Variants in DEFB110 observed in about 807,000 individuals in gnomAD.
The protein encoded by DEFB110 is beta-defensin 110.
DEFB110 carries 4 observed loss-of-function variants against 2.5 expected under a neutral mutation model. The ratio of observed to expected loss-of-function variants is 1.60; its 90% CI spans 0.79 to 3.66. The LOEUF (loss-of-function observed/expected upper bound fraction) is 3.66, where lower values mean the gene tolerates loss of function less well. Ranked by LOEUF, DEFB110 falls within the 30% of genes most tolerant of loss-of-function variation. The probability of loss-of-function intolerance (pLI) is 0.01; values close to 1 mark genes in which losing one functional copy is unlikely to be tolerated. For missense variants in DEFB110, 94 were observed against 75.4 expected (o/e 1.25, Z -0.91); for synonymous variants, 29 against 21.8 (o/e 1.33, Z -0.92).
chr6:50,011,138 T>C (rs1038346378), intron 1 of DEFB110, among the ~76,000 whole-genome samples: 23 of 151,544 alleles, frequency 1.5e-4, no homozygotes, highest in Non-Finnish European at 2.9e-4. Context: ...CCCTTTGTAT[T>C]GTTATGAAAA....
intron 1 of DEFB110, among the ~76,000 whole-genome samples, chr6:50,010,181 ATGT>A (rs1389661926): frequency 2.0e-5 from 3 of 152,006 alleles, no homozygotes; most frequent in Non-Finnish European, 2.9e-5. Flanking sequence ...TGAGTATTAA[ATGT>A]TGTTATGTGT....
Position 50,018,848 on chromosome 6 carries a change from G to C in DEFB110, c.*129C>G, listed in dbSNP as rs1774363467. ...GCGTGACATATGATCACTTCTGAAT[G>C]GTTCAACATTAATTTTTATTTAGTT... On this transcript the variant is annotated 3_prime_UTR_variant, in exon 2 of 2. Coordinates refer to ENST00000371148, the MANE Select transcript of DEFB110 (RefSeq NM_001037497.2). 7.0e-7 allele frequency: 1 copy of C among 1,426,280 alleles called. No individual in the cohort carries two copies. Among genetic ancestry groups the C allele is most frequent in the Non-Finnish European group, 9.1e-7 (1 of 1,096,534 alleles). 88.4% of individuals were successfully genotyped at this position (1,426,280 alleles called of 1,614,324 possible). A position where few individuals can be genotyped will look rare whatever the true frequency, so the allele number is the denominator to read the frequency against.
At chr6:50,014,277 G>A (rs910556063), downstream of DEFB110, among the ~76,000 whole-genome samples, 1 of 151,758 alleles carries the variant, frequency 6.6e-6, no homozygotes, top group East Asian at 1.9e-4. Context: ...CAGTTAATTG[G>A]TGTGAGTGAA....
downstream of DEFB110, among the ~76,000 whole-genome samples, chr6:50,016,714 A>G (rs1056270325): frequency 6.6e-6 from 1 of 151,584 alleles, no homozygotes; most frequent in African/African-American, 2.4e-5. Flanking sequence ...CACTTAAAAG[A>G]TTTCCTCAGG....
At chr6:50,010,230 T>A (rs1034429405) in intron 1 of DEFB110, among the ~76,000 whole-genome samples, 1 of 151,988 alleles carries the variant, frequency 6.6e-6, no homozygotes, top group East Asian at 1.9e-4. Flanking sequence ...GGCAAAATAA[T>A]TTTGTTAAAA....
chr6:50,017,724 A>T (rs1054117537), downstream of DEFB110, among the ~76,000 whole-genome samples: 1 of 151,924 alleles, frequency 6.6e-6, no homozygotes, highest in Non-Finnish European at 1.5e-5. Context: ...AAATTTCCCC[A>T]TTCATGGCTT....
intron 1 of DEFB110, among the ~76,000 whole-genome samples, chr6:50,012,533 A>C (rs1774245375): frequency 2.0e-5 from 3 of 151,904 alleles, no homozygotes; most frequent in Admixed American, 2.0e-4. Context: ...CAGTTTCCTT[A>C]AGTGAAAAAT....
rs140674021 is a variant in DEFB110 at position 50,012,133 on chromosome 6, T to C, written c.56-2862A>G. Among the ~76,000 whole-genome samples, 835 of 152,192 alleles carry C rather than the reference T, an allele frequency of 5.5e-3. 10 individuals carry two copies. Among genetic ancestry groups the C allele is most frequent in the African/African-American group, 0.019 (778 of 41,568 alleles). ...ATTTCCTTTGTCTTTATTTGCCTTT[T>C]GGATTTCACACCAAAACCTTATAAA... On this transcript the variant is annotated intron_variant, in intron 1 of 1. Transcript: ENST00000393660.
Position 50,018,870 on chromosome 6 carries a change from A to T in DEFB110, c.*107T>A. 4 of 1,441,504 alleles carry T rather than the reference A, an allele frequency of 2.8e-6. No individual in the cohort carries two copies. Among genetic ancestry groups the T allele is most frequent in the Non-Finnish European group, 3.6e-6 (4 of 1,102,884 alleles). The allele number at this position is 1,441,504 out of a possible 1,614,324, so 89.3% of individuals were successfully genotyped here. On this transcript the variant is annotated 3_prime_UTR_variant, in exon 2 of 2. Coordinates refer to ENST00000371148, the MANE Select transcript of DEFB110 (RefSeq NM_001037497.2). ...AATGGTTCAACATTAATTTTTATTT[A>T]GTTCTTGTGTATTATAGAGACACAC... is the stretch of plus-strand genomic sequence containing the variant.
At chr6:50,017,535 A>G (rs1394766770), downstream of DEFB110, among the ~76,000 whole-genome samples, 1 of 151,914 alleles carries the variant, frequency 6.6e-6, no homozygotes, top group Non-Finnish European at 1.5e-5. Flanking sequence ...TGAAAAACAT[A>G]TAACGAGCAG....
intron 1 of DEFB110, among the ~76,000 whole-genome samples, chr6:50,010,401 G>T (rs1774208163): frequency 6.6e-6 from 1 of 151,636 alleles, no homozygotes; most frequent in Admixed American, 6.6e-5. Flanking sequence ...CCAGGCATTA[G>T]GTTCCGAAGC....
chr6:50,012,537 GA>G (rs1245331868), intron 1 of DEFB110, among the ~76,000 whole-genome samples: 1 of 151,794 alleles, frequency 6.6e-6, no homozygotes, highest in Non-Finnish European at 1.5e-5. Context: ...TTCCTTAAGT[GA>G]AAAATGCATT....
chr6:50,014,580 G>A (rs1582365389), downstream of DEFB110, among the ~76,000 whole-genome samples: 2 of 151,860 alleles, frequency 1.3e-5, no homozygotes, highest in East Asian at 3.9e-4. Context: ...ACAAATGACG[G>A]GAAAAAGATG....
downstream of DEFB110, among the ~76,000 whole-genome samples, chr6:50,016,084 A>G (rs949995552): frequency 1.3e-5 from 2 of 151,876 alleles, no homozygotes; most frequent in Non-Finnish European, 2.9e-5. Context: ...TGCCTGAATA[A>G]GTACATTGCT....
chr6:50,012,857 A>C (rs1056449237), intron 1 of DEFB110, among the ~76,000 whole-genome samples: 2 of 151,828 alleles, frequency 1.3e-5, no homozygotes, highest in Admixed American at 1.3e-4. Flanking sequence ...TCAAAAGACA[A>C]CTATTATTTG....
chr6:50,011,567 T>G (rs1460866622), intron 1 of DEFB110, among the ~76,000 whole-genome samples: 1 of 152,022 alleles, frequency 6.6e-6, no homozygotes, highest in Non-Finnish European at 1.5e-5. Context: ...TGGGGACAAA[T>G]CTGTTCGAAA....
In DEFB110 at chr6:50,011,032, G is replaced by A. The variant is rs369596033; in HGVS notation, c.56-1761C>T. Among the ~76,000 whole-genome samples the A allele has an allele frequency of 1.1e-4, 16 of 151,952 alleles. No individual in the cohort carries two copies. The East Asian group carries it at 3.1e-3, about 29-fold the overall frequency. On this transcript the variant is annotated intron_variant, in intron 1 of 1. Coordinates refer to the DEFB110 transcript ENST00000393660. ...CATATAAAAACAAAAAGCATGCATTGTAAAATTGGTTCTATTGCTTATAAT... is the reference window on the plus strand; with the variant it reads ...CATATAAAAACAAAAAGCATGCATTATAAAATTGGTTCTATTGCTTATAAT...
chr6:50,017,731 G>A (rs1314612310), downstream of DEFB110, among the ~76,000 whole-genome samples: 1 of 151,396 alleles, frequency 6.6e-6, no homozygotes, highest in Non-Finnish European at 1.5e-5. Flanking sequence ...CCCATTCATG[G>A]CTTGTTGTAG....
intron 1 of DEFB110, among the ~76,000 whole-genome samples, chr6:50,010,173 A>T (rs573478453): frequency 6.6e-6 from 1 of 152,120 alleles, no homozygotes; most frequent in South Asian, 2.1e-4. Flanking sequence ...ATATATTTTG[A>T]GTATTAAATG....
Sources: allele counts gnomAD v4.1 joint callset (sites outside exome capture counted in the v4.1 genomes callset), GRCh38; gene constraint gnomAD v4.1.1; transcripts MANE v1.5; gene names NCBI Gene and HGNC (gene_info 2026-07-23, HGNC 2026-07-21).